SERINC5: variants seen among roughly 807,000 people sequenced by gnomAD.
The protein encoded by SERINC5 is chromosome 5 open reading frame 12.
SERINC5 carries 41 observed loss-of-function variants against 63.1 expected under a neutral mutation model. The observed-to-expected ratio is 0.65, with a 90% confidence interval of 0.51 to 0.84. The LOEUF is 0.84. SERINC5 is among the 40% of genes least tolerant of loss of function. SERINC5 has a pLI of 0.00. For missense variants in SERINC5, 523 were observed against 573.0 expected, an observed-to-expected ratio of 0.91 and a Z score of 0.89; for synonymous variants, 222 against 215.2, an observed-to-expected ratio of 1.03 and a Z score of -0.28.
chr5:80,168,269 A>G (rs1747431203), intron 6 of SERINC5, among the ~76,000 whole-genome samples: 1 of 151,490 alleles, frequency 6.6e-6, no homozygotes, highest in Non-Finnish European at 1.5e-5. Context: ...ATCTTGGCTC[A>G]CTGCAAGCCC....
At chr5:80,248,345 A>G (rs1044280062) in intron 1 of SERINC5, among the ~76,000 whole-genome samples, 4 of 152,222 alleles carry the variant, frequency 2.6e-5, no homozygotes, top group Admixed American at 2.6e-4. Flanking sequence ...CTGATAACCG[A>G]GATGGCTCCT....
chr5:80,145,185 TAA>T lies in SERINC5; in HGVS notation c.1238+903_1238+904del, dbSNP rs547534960. On this transcript the variant is annotated intron_variant, in intron 11 of 11. Coordinates refer to ENST00000507668, the MANE Select transcript of SERINC5 (RefSeq NM_001174072.3). ...GAAACTCCGTCTCTACTAAAAATAATAAAAAAAAAAATTAGCCAGTGTGGTGG... is the reference window on the plus strand; with the variant it reads ...GAAACTCCGTCTCTACTAAAAATAATAAAAAAAAATTAGCCAGTGTGGTGG... Among the ~76,000 whole-genome samples, 1,066 of 145,486 alleles carry T rather than the reference TAA, an allele frequency of 7.3e-3. 11 individuals carry two copies. Among genetic ancestry groups the T allele is most frequent in the African/African-American group, 0.025 (1,010 of 39,962 alleles).
At chr5:80,254,928 T>C (rs67405165) in intron 1 of SERINC5, among the ~76,000 whole-genome samples, 10,788 of 152,200 alleles carry the variant, frequency 0.071, 508 homozygotes, top group Non-Finnish European at 0.11. Flanking sequence ...CTGGCCTCGA[T>C]TGTGGAAAGG....
chr5:80,138,683 T>A (rs1459674871), downstream of SERINC5: 1 of 324,192 alleles, frequency 3.1e-6, no homozygotes, highest in Non-Finnish European at 4.4e-6. Flanking sequence ...CTAATTAGCA[T>A]GATTTGGCTA....
chr5:80,188,994 G>A (rs1046919342), intron 2 of SERINC5, among the ~76,000 whole-genome samples: 2 of 152,164 alleles, frequency 1.3e-5, no homozygotes, highest in African/African-American at 4.8e-5. Context: ...TTATCCTGCT[G>A]ATAGGCATTT....
chr5:80,151,814 T>C (rs1746200166), intron 8 of SERINC5, among the ~76,000 whole-genome samples: 1 of 152,220 alleles, frequency 6.6e-6, no homozygotes, highest in Admixed American at 6.5e-5. Context: ...TGCCGTCATG[T>C]AGCTTCTGTG....
chr5:80,146,174 C>T lies in SERINC5; in HGVS notation c.1154G>A (p.Gly385Asp), dbSNP rs528851826. The T allele has an allele frequency of 6.2e-7, 1 of 1,613,968 alleles. No homozygotes were observed. The highest frequency in any genetic ancestry group is 2.2e-5 in the East Asian group (1 of 44,880). ...GAAGTAGGAGTAGATGTAGACGGTGCCTTTCTTCTCGTCATAAATGACCCG... is the reference window on the plus strand; with the variant it reads ...GAAGTAGGAGTAGATGTAGACGGTGTCTTTCTTCTCGTCATAAATGACCCG... ...GPRVIYDEKKGTVYIYSYFHF... is the reference protein window; with the variant it reads ...GPRVIYDEKKDTVYIYSYFHF... The change falls in exon 11 of 12, where the codon GGC becomes GAC. Residue 385 changes from glycine to aspartate, a missense_variant. Physicochemically the swap from Gly to Asp is moderately conservative, Grantham distance 94. Coordinates refer to ENST00000507668, the MANE Select transcript of SERINC5 (RefSeq NM_001174072.3).
downstream of SERINC5, among the ~76,000 whole-genome samples, chr5:80,138,272 G>C (rs915232248): frequency 2.6e-5 from 4 of 151,982 alleles, no homozygotes; most frequent in Non-Finnish European, 5.9e-5. Context: ...ACGGTGACTA[G>C]AGTTAGGAAC....
At chr5:80,248,230 T>C (rs577910938) in intron 1 of SERINC5, among the ~76,000 whole-genome samples, 1 of 152,206 alleles carries the variant, frequency 6.6e-6, no homozygotes, top group African/African-American at 2.4e-5. Flanking sequence ...CAAACTCTTA[T>C]GACACTATGC....
chr5:80,230,445 CA>C (rs72476401), intron 1 of SERINC5, among the ~76,000 whole-genome samples: 57,211 of 93,210 alleles, frequency 0.61, 13,744 homozygotes, highest in South Asian at 0.7. Context: ...AAGACTGTCA[CA>C]AAAAAAAAAA....
intron 1 of SERINC5, among the ~76,000 whole-genome samples, chr5:80,239,602 C>A (rs1490925301): frequency 3.3e-5 from 5 of 151,684 alleles, no homozygotes; most frequent in Non-Finnish European, 7.4e-5. Context: ...TGGATTCTTA[C>A]AATCAGAAAC....
chr5:80,215,205 C>T (rs531690901), intron 1 of SERINC5, among the ~76,000 whole-genome samples: 39 of 152,308 alleles, frequency 2.6e-4, no homozygotes, highest in African/African-American at 9.1e-4. Context: ...CCACTTGGTA[C>T]TGTTCTCACA....
chr5:80,112,061 C>A (rs1262913256), intron 12 of SERINC5, among the ~76,000 whole-genome samples: 1 of 152,206 alleles, frequency 6.6e-6, no homozygotes, highest in Non-Finnish European at 1.5e-5. Context: ...CAAAGTTCCT[C>A]CCCACTGAGA....
intron 4 of SERINC5, among the ~76,000 whole-genome samples, chr5:80,176,266 G>A (rs1323226603): frequency 6.6e-6 from 1 of 152,144 alleles, no homozygotes; most frequent in African/African-American, 2.4e-5. Context: ...ATACATAAAA[G>A]GATCTCTGTA....
chr5:80,250,939 C>T (rs1752381773), intron 1 of SERINC5, among the ~76,000 whole-genome samples: 1 of 148,910 alleles, frequency 6.7e-6, no homozygotes, highest in Non-Finnish European at 1.5e-5. Flanking sequence ...AGCTCTTTCC[C>T]CTACAGTCAA....
chr5:80,123,168 C>T (rs1027299686), intron 11 of SERINC5, among the ~76,000 whole-genome samples: 2 of 152,154 alleles, frequency 1.3e-5, no homozygotes, highest in African/African-American at 4.8e-5. Flanking sequence ...TGATCATAGC[C>T]CATTGTAACC....
At chr5:80,187,681 T>C (rs557518979) in intron 2 of SERINC5, among the ~76,000 whole-genome samples, 5 of 152,186 alleles carry the variant, frequency 3.3e-5, no homozygotes, top group East Asian at 1.9e-4. Context: ...GCATTTTTAA[T>C]AGAAAAATCT....
In SERINC5 at chr5:80,143,413, A is replaced by T. The variant is rs1031795158; in HGVS notation, c.*250T>A. Reference sequence around the variant, plus strand: ...AAGGAAGTCAACATAACTGGTATCCAGTTCCTAGGGGTAAGATATTTCAAC... The same window carrying T: ...AAGGAAGTCAACATAACTGGTATCCTGTTCCTAGGGGTAAGATATTTCAAC... On this transcript the variant is annotated 3_prime_UTR_variant, in exon 12 of 12. Coordinates refer to ENST00000507668, the MANE Select transcript of SERINC5 (RefSeq NM_001174072.3). The T allele has an allele frequency of 4.5e-5, 54 of 1,211,678 alleles. 1 individual carries two copies. In the Admixed American group the frequency reaches 1.8e-3, roughly 40 times the overall value. The allele number at this position is 1,211,678 out of a possible 1,614,324, so 75.1% of individuals were successfully genotyped here.
intron 1 of SERINC5, among the ~76,000 whole-genome samples, chr5:80,236,696 T>A (rs1255539810): frequency 1.3e-5 from 2 of 152,070 alleles, no homozygotes; most frequent in Non-Finnish European, 2.9e-5. Flanking sequence ...CAGCTAATTT[T>A]TGTATTTTCA....
Sources: allele counts gnomAD v4.1 joint callset (sites outside exome capture counted in the v4.1 genomes callset), GRCh38; gene constraint gnomAD v4.1.1; transcripts MANE v1.5; gene names NCBI Gene and HGNC (gene_info 2026-07-23, HGNC 2026-07-21).